Variants in MAL observed in about 807,000 individuals in gnomAD.
MAL encodes the protein myelin and lymphocyte protein.
Under a neutral mutation model 16.7 loss-of-function variants are expected in MAL, and 5 were observed. That is an observed-to-expected ratio of 0.30 (90% confidence interval 0.16 to 0.63). MAL has a LOEUF of 0.63. MAL is among the 30% of genes least tolerant of loss of function. The pLI is 0.82. For synonymous variants in MAL, 96 were observed against 85.5 expected (o/e 1.12, Z -0.67); for missense variants, 202 against 195.8 (o/e 1.03, Z -0.19).
chr2:95,037,970 G>A (rs1674290995), intron 1 of MAL, among the ~76,000 whole-genome samples: 1 of 151,708 alleles, frequency 6.6e-6, no homozygotes, highest in East Asian at 2.0e-4. Flanking sequence ...CTGAGTGAGT[G>A]AGTGAGTGAC....
chr2:95,030,935 G>T (rs1228503168), intron 1 of MAL, among the ~76,000 whole-genome samples: 1 of 152,224 alleles, frequency 6.6e-6, no homozygotes, highest in Non-Finnish European at 1.5e-5. Flanking sequence ...ACTTCTGCTA[G>T]ATTTCTACCT....
intron 1 of MAL, among the ~76,000 whole-genome samples, chr2:95,041,607 CAG>C (rs532689767): frequency 2.6e-5 from 4 of 152,228 alleles, no homozygotes; most frequent in East Asian, 3.9e-4. Context: ...GATGAGGGGA[CAG>C]AGAGATTCAA....
At chr2:95,048,453 G>C (rs1458894634) in intron 2 of MAL, among the ~76,000 whole-genome samples, 1 of 152,166 alleles carries the variant, frequency 6.6e-6, no homozygotes, top group African/African-American at 2.4e-5. Context: ...TGCAAGGGCT[G>C]TTTTCACCTC....
At chr2:95,030,592 A>G (rs1674054508) in intron 1 of MAL, among the ~76,000 whole-genome samples, 1 of 152,124 alleles carries the variant, frequency 6.6e-6, no homozygotes, top group Non-Finnish European at 1.5e-5. Flanking sequence ...CCCCCTACCC[A>G]TTCAGGACTT....
chr2:95,043,833 G>T (rs1317093546), intron 1 of MAL, among the ~76,000 whole-genome samples: 1 of 152,230 alleles, frequency 6.6e-6, no homozygotes, highest in Non-Finnish European at 1.5e-5. Context: ...GTGCTGAGCG[G>T]AAGGTCGACC....
intron 1 of MAL, among the ~76,000 whole-genome samples, chr2:95,038,789 TGAGTGACTGAGTGAGTGACC>T (rs1381478322): frequency 6.6e-6 from 1 of 151,286 alleles, no homozygotes; most frequent in Non-Finnish European, 1.5e-5. Flanking sequence ...AGCAAGTGAG[TGAGTGACTGAGTGAGTGACC>T]GAGTGACTGA....
At chr2:95,046,493 G>A (rs1233769375) in intron 1 of MAL, among the ~76,000 whole-genome samples, 1 of 152,212 alleles carries the variant, frequency 6.6e-6, no homozygotes, top group Non-Finnish European at 1.5e-5. Flanking sequence ...TGTCCACAGT[G>A]AGGAACGGAG....
At chr2:95,049,266 G>A (rs1674660139) in intron 2 of MAL, among the ~76,000 whole-genome samples, 2 of 152,214 alleles carry the variant, frequency 1.3e-5, no homozygotes, top group Admixed American at 6.5e-5. Flanking sequence ...GGCCATGCAC[G>A]ACACTTCTCA....
chr2:95,025,907 A>G lies in MAL; in HGVS notation c.93+22A>G, dbSNP rs1233315055. 9 of 1,531,516 alleles carry G rather than the reference A, an allele frequency of 5.9e-6. No individual in the cohort carries two copies. The highest frequency in any genetic ancestry group is 7.9e-6 in the Non-Finnish European group (9 of 1,136,528). The allele number at this position is 1,531,516 out of a possible 1,614,324, so 94.9% of individuals were successfully genotyped here. A position where few individuals can be genotyped will look rare whatever the true frequency, so the allele number is the denominator to read the frequency against. On this transcript the variant is annotated intron_variant, in intron 1 of 3. Transcript: ENST00000309988. This position sits in a 1 kb window ranked among gnomAD's most constrained non-coding sequence, Gnocchi z 5.6. The stretch of plus-strand genomic sequence containing the variant: ...GTTTGTGAGTGGCTCCTGGCCGGGG[A>G]AGGGACGGGGTGGGCTGAGCCGTGC...
At chr2:95,043,894 C>T (rs748718938) in intron 1 of MAL, among the ~76,000 whole-genome samples, 3 of 152,198 alleles carry the variant, frequency 2.0e-5, no homozygotes, top group Admixed American at 6.5e-5. Flanking sequence ...ATGATGTCAT[C>T]TGTGCTGAGA....
At chr2:95,030,697 G>C (rs1302455937) in intron 1 of MAL, among the ~76,000 whole-genome samples, 1 of 152,244 alleles carries the variant, frequency 6.6e-6, no homozygotes, top group East Asian at 1.9e-4. Flanking sequence ...GAGGGTGTGA[G>C]GAATGCCGCC....
chr2:95,053,098 GA>G, intron 3 of MAL: 1 of 361,956 alleles, frequency 2.8e-6, no homozygotes. Flanking sequence ...CAAGTCAGCC[GA>G]AACCTCAAGC....
intron 1 of MAL, among the ~76,000 whole-genome samples, chr2:95,027,322 C>T (rs1326851774): frequency 6.6e-6 from 1 of 152,182 alleles, no homozygotes; most frequent in Non-Finnish European, 1.5e-5. Flanking sequence ...ACCTTGGAAC[C>T]ATCTACTACT....
intron 3 of MAL, among the ~76,000 whole-genome samples, chr2:95,051,141 C>G (rs1396555562): frequency 6.6e-6 from 1 of 152,188 alleles, no homozygotes; most frequent in African/African-American, 2.4e-5. Context: ...GGGCAGGTCT[C>G]TAGTTGAGAA....
chr2:95,028,678 A>G (rs1056842827), intron 1 of MAL, among the ~76,000 whole-genome samples: 8 of 152,228 alleles, frequency 5.3e-5, no homozygotes, highest in Non-Finnish European at 1.2e-4. Flanking sequence ...TGAACTGAAT[A>G]ACAAAGTGCG....
At chr2:95,043,321 C>T (rs369660570) in intron 1 of MAL, among the ~76,000 whole-genome samples, 2 of 152,386 alleles carry the variant, frequency 1.3e-5, no homozygotes, top group African/African-American at 4.8e-5. Context: ...CCTGCATGAA[C>T]GACAACTTAT....
chr2:95,026,339 C>A (rs1461815687), intron 1 of MAL: 1 of 153,614 alleles, frequency 6.5e-6, no homozygotes, highest in Non-Finnish European at 1.4e-5. Context: ...GTATTACCAA[C>A]CGAGATTTGG....
chr2:95,037,192 ACTGAGTAG>A (rs1674242753), intron 1 of MAL, among the ~76,000 whole-genome samples: 1 of 150,044 alleles, frequency 6.7e-6, no homozygotes, highest in Non-Finnish European at 1.5e-5. Flanking sequence ...TGACTGAGTG[ACTGAGTAG>A]GTGAGTGACT....
At chr2:95,026,445 G>A (rs1157106265) in intron 1 of MAL, 4 of 148,490 alleles carry the variant, frequency 2.7e-5, no homozygotes, top group Non-Finnish European at 4.4e-5. Context: ...TGGAAATGAG[G>A]CCATCGTTTG....
Sources: gnomAD v4.1 joint callset for allele counts (sites outside exome capture counted in the v4.1 genomes callset) on GRCh38, gnomAD v4.1.1 for gene constraint, Gnocchi (gnomAD v3.1) non-coding constraint, MANE v1.5 for transcripts, NCBI Gene and HGNC (gene_info 2026-07-23, HGNC 2026-07-21) for gene names.